Variants in VWA3A observed in about 807,000 individuals in gnomAD.
VWA3A encodes the protein von Willebrand factor A domain-containing protein 3A.
In VWA3A, 134 loss-of-function variants were observed where a neutral mutation model predicts 160.4. The observed-to-expected ratio is 0.84, with a 90% CI of 0.73 to 0.96. VWA3A has a LOEUF of 0.96. VWA3A is among the 40% of genes least tolerant of loss of function. The pLI is 0.00. For synonymous variants in VWA3A, 476 were observed against 543.4 expected, an observed-to-expected ratio of 0.88 and a Z score of 1.72; for missense variants, 1,310 against 1,447.9, an observed-to-expected ratio of 0.90 and a Z score of 1.55.
intron 1 of VWA3A, among the ~76,000 whole-genome samples, chr16:22,094,865 G>A (rs970811445): frequency 6.6e-6 from 1 of 151,814 alleles, no homozygotes; most frequent in African/African-American, 2.4e-5. Flanking sequence ...TATGTGGGAG[G>A]CTAAGGCAGG....
Position 22,144,350 on chromosome 16 carries a change from A to C in VWA3A, c.2696A>C (p.Lys899Thr). 1.2e-6 allele frequency: 2 copies of C among 1,613,902 alleles called. No homozygotes were observed. Among genetic ancestry groups the C allele is most frequent in the Non-Finnish European group, 8.5e-7 (1 of 1,179,878 alleles). ...TCAGGACAGAGGTCAGCATCCGCCA[A>C]ACACTGCAGCATCTTCCCCAGCGTT... ...QKSGQRSASAKHCSIFPSVEI... is the reference protein window; with the variant it reads ...QKSGQRSASATHCSIFPSVEI... The change falls in exon 26 of 34, where the codon AAA (lysine) becomes ACA (threonine). Residue 899 changes from lysine to threonine, a missense_variant. Coordinates refer to ENST00000389398, the MANE Select transcript of VWA3A (RefSeq NM_173615.5).
chr16:22,148,108 G>A, intron 27 of VWA3A, 54 bp from the exon 28 acceptor site: 2 of 1,523,582 alleles, frequency 1.3e-6, no homozygotes, highest in Admixed American at 2.2e-5. Flanking sequence ...AAACCACCCA[G>A]GAGGAGGGAC....
intron 23 of VWA3A, 114 bp from the exon 24 acceptor site, chr16:22,141,468 C>T (rs2046147872): frequency 8.4e-6 from 8 of 957,626 alleles, no homozygotes; most frequent in Non-Finnish European, 1.1e-5. Context: ...CATCTTGGAG[C>T]CCCATTTCCT....
rs536969030 is a variant in VWA3A at position 22,143,672 on chromosome 16, T to C, written c.2593-575T>C. Among the ~76,000 whole-genome samples the C allele has an allele frequency of 7.9e-5, 12 of 152,132 alleles. No homozygotes were observed. In the South Asian group the frequency reaches 2.1e-3, roughly 26 times the overall value. On this transcript the variant is annotated intron_variant, in intron 25 of 33. Coordinates refer to ENST00000389398, the MANE Select transcript of VWA3A (RefSeq NM_173615.5). ...GAAATGGATGTTAGGGAAGTAACAG[T>C]GTCCACTAGACTAGGGTCTGGGAGG...
At position 22,116,712 on chromosome 16, in the gene VWA3A, A is replaced by G. The variant is rs756843759; in HGVS notation, c.816-47A>G. On this transcript the variant is annotated intron_variant, in intron 9 of 33. Coordinates refer to ENST00000389398, the MANE Select transcript of VWA3A (RefSeq NM_173615.5). ...ACCGTTTTGCTCTGGAATGTTCTCA[A>G]AGTGGTCTGACCTGGGATTTCCACT... The G allele has an allele frequency of 6.1e-6, 9 of 1,463,662 alleles. No individual in the cohort carries two copies. The African/African-American group carries it at 1.3e-4, about 20-fold the overall frequency. The allele number at this position is 1,463,662 out of a possible 1,614,324, so 90.7% of individuals were successfully genotyped here. A position where few individuals can be genotyped will look rare whatever the true frequency, so the allele number is the denominator to read the frequency against.
intron 17 of VWA3A, 73 bp from the exon 18 acceptor site, chr16:22,131,132 G>A (rs2045938918): frequency 7.0e-7 from 1 of 1,438,626 alleles, no homozygotes; most frequent in East Asian, 2.3e-5. Context: ...CTAAAAGCCT[G>A]CAAAGCCCAA....
At chr16:22,155,540 A>G (rs371547805) in intron 31 of VWA3A, 27 bp from the exon 32 acceptor site, 5 of 1,605,990 alleles carry the variant, frequency 3.1e-6, no homozygotes, top group South Asian at 2.2e-5. Flanking sequence ...CCAGTCATAA[A>G]CTTCACACTC....
intron 28 of VWA3A, among the ~76,000 whole-genome samples, chr16:22,148,926 G>T (rs1567226325): frequency 6.6e-6 from 1 of 152,090 alleles, no homozygotes; most frequent in Non-Finnish European, 1.5e-5. Context: ...TAATTTTTGT[G>T]AACTTGATTT....
intron 26 of VWA3A, 129 bp from the exon 27 acceptor site, chr16:22,146,107 C>T (rs1203285852): frequency 2.8e-6 from 2 of 721,812 alleles, no homozygotes; most frequent in Non-Finnish European, 4.6e-6. Flanking sequence ...CAGGCATGAG[C>T]CACCGTGCCC....
intron 30 of VWA3A, among the ~76,000 whole-genome samples, chr16:22,151,975 A>G (rs1434824893): frequency 6.6e-6 from 1 of 151,824 alleles, no homozygotes; most frequent in Non-Finnish European, 1.5e-5. Flanking sequence ...TTGGGAGGCC[A>G]AGGCAGGCAG....
At chr16:22,153,030 C>T (rs1028383725) in intron 31 of VWA3A, among the ~76,000 whole-genome samples, 3 of 152,118 alleles carry the variant, frequency 2.0e-5, no homozygotes, top group Non-Finnish European at 2.9e-5. Context: ...AACAGGTGAA[C>T]GAGAGGGCCA....
chr16:22,103,589 A>G, intron 6 of VWA3A, 60 bp downstream of exon 6: 1 of 1,536,172 alleles, frequency 6.5e-7, no homozygotes. Context: ...TATTTGTTAG[A>G]ACCCTTTCAG....
chr16:22,106,099 T>C (rs1180706420), intron 6 of VWA3A, among the ~76,000 whole-genome samples: 1 of 152,106 alleles, frequency 6.6e-6, no homozygotes, highest in African/African-American at 2.4e-5. Flanking sequence ...AATGGAATGG[T>C]TGAGGCCGGG....
At chr16:22,117,295 C>T in intron 11 of VWA3A, 119 bp downstream of exon 11, 1 of 1,075,300 alleles carries the variant, frequency 9.3e-7, no homozygotes, top group South Asian at 1.6e-5. Flanking sequence ...TTCTCCTTGT[C>T]CCCACCTGTA....
chr16:22,124,033 G>A (rs1207766306), intron 16 of VWA3A, among the ~76,000 whole-genome samples: 1 of 151,710 alleles, frequency 6.6e-6, no homozygotes, highest in Non-Finnish European at 1.5e-5. Context: ...TAATTAGCTG[G>A]GCATGGTGGT....
At chr16:22,104,671 C>T (rs2045455837) in intron 6 of VWA3A, among the ~76,000 whole-genome samples, 1 of 151,876 alleles carries the variant, frequency 6.6e-6, no homozygotes, top group Non-Finnish European at 1.5e-5. Context: ...CAGAGCAAGA[C>T]TTGTCTTTTA....
chr16:22,115,597 C>A, intron 9 of VWA3A, 125 bp downstream of exon 9: 1 of 1,112,924 alleles, frequency 9.0e-7, no homozygotes, highest in Non-Finnish European at 1.2e-6. Flanking sequence ...TTTGGGAGGC[C>A]GAGACAGGAG....
intron 32 of VWA3A, 26 bp downstream of exon 32, chr16:22,155,690 G>C: frequency 6.2e-7 from 1 of 1,611,288 alleles, no homozygotes; most frequent in South Asian, 1.1e-5. Flanking sequence ...AGCCTCTCCG[G>C]CCTGCCATGT....
intron 8 of VWA3A, among the ~76,000 whole-genome samples, chr16:22,112,137 G>A (rs2045561266): frequency 6.6e-6 from 1 of 152,108 alleles, no homozygotes; most frequent in African/African-American, 2.4e-5. Context: ...CTTTTAGCTG[G>A]GGGTTTCTAG....
Sources: gnomAD v4.1 joint callset for allele counts (sites outside exome capture counted in the v4.1 genomes callset) on GRCh38, gnomAD v4.1.1 for gene constraint, MANE v1.5 for transcripts, NCBI Gene and HGNC (gene_info 2026-07-23, HGNC 2026-07-21) for gene names.